The following CNTN5 variants were observed in gnomAD, a reference collection of about 807,000 sequenced individuals.
The protein encoded by CNTN5 is contactin 5, also known as contactin-5.
A neutral mutation model predicts 129.1 loss-of-function variants in CNTN5; 77 were observed. The ratio of observed to expected loss-of-function variants is 0.60; its 90% confidence interval spans 0.50 to 0.72. CNTN5 has a LOEUF of 0.72. CNTN5 is among the 30% of genes least tolerant of loss of function. The pLI is 0.00. For synonymous variants in CNTN5, 509 were observed against 465.6 expected (o/e 1.09, Z -1.20); for missense variants, 1,478 against 1,328.8 (o/e 1.11, Z -1.75).
At chr11:100,134,406 T>C (rs1048483142) in intron 13 of CNTN5, among the ~76,000 whole-genome samples, 1 of 152,142 alleles carries the variant, frequency 6.6e-6, no homozygotes, top group Admixed American at 6.6e-5. Flanking sequence ...TTTCTAAACC[T>C]CAGTGTCACA....
At chr11:99,439,386 G>T (rs570483607) in intron 2 of CNTN5, among the ~76,000 whole-genome samples, 1 of 151,942 alleles carries the variant, frequency 6.6e-6, no homozygotes, top group Admixed American at 6.6e-5. Context: ...AAATAAACTT[G>T]TACACAAATG....
chr11:100,344,475 A>G (rs951420224), intron 23 of CNTN5, among the ~76,000 whole-genome samples: 4 of 152,152 alleles, frequency 2.6e-5, no homozygotes, highest in Admixed American at 2.6e-4. Flanking sequence ...ACTGGTGGTT[A>G]TCAGAGGCCA....
intron 9 of CNTN5, among the ~76,000 whole-genome samples, chr11:100,041,799 G>A (rs17622456): frequency 0.11 from 16,026 of 152,206 alleles, 919 homozygotes; most frequent in East Asian, 0.18. Flanking sequence ...CACAGAGACT[G>A]TCAAGCTTCT....
At chr11:99,558,281 C>T in intron 3 of CNTN5, 1 of 429,328 alleles carries the variant, frequency 2.3e-6, no homozygotes, top group South Asian at 1.7e-5. Flanking sequence ...TCCTCTTGAA[C>T]TTATAAGCCA....
chr11:100,177,779 A>G (rs1394352429), intron 13 of CNTN5, among the ~76,000 whole-genome samples: 4 of 152,168 alleles, frequency 2.6e-5, no homozygotes, highest in Non-Finnish European at 5.9e-5. Flanking sequence ...GAATATATTC[A>G]TGCTCTTCTG....
At chr11:99,264,778 T>C (rs1008477023) in intron 1 of CNTN5, among the ~76,000 whole-genome samples, 11 of 152,156 alleles carry the variant, frequency 7.2e-5, no homozygotes, top group African/African-American at 2.7e-4. Flanking sequence ...TAGTATAAGA[T>C]ATTGTCCAAG....
chr11:100,022,410 A>G (rs1037192176), intron 9 of CNTN5, among the ~76,000 whole-genome samples: 3 of 152,128 alleles, frequency 2.0e-5, no homozygotes, highest in African/African-American at 7.2e-5. Flanking sequence ...TTCTTTGTAC[A>G]TTCTATTCTT....
At chr11:99,608,223 T>C (rs1950488242) in intron 3 of CNTN5, among the ~76,000 whole-genome samples, 1 of 152,194 alleles carries the variant, frequency 6.6e-6, no homozygotes, top group East Asian at 1.9e-4. Flanking sequence ...TAAATATGTG[T>C]TGTCCCATCT....
chr11:99,256,873 A>C (rs1011130225), intron 1 of CNTN5, among the ~76,000 whole-genome samples: 5 of 152,152 alleles, frequency 3.3e-5, no homozygotes, highest in African/African-American at 1.2e-4. Context: ...ACTCTCCTTC[A>C]AAATGTTTAG....
At position 99,785,518 on chromosome 11, in the gene CNTN5, T is replaced by C. The variant is rs116030834; in HGVS notation, c.56-34026T>C. ...GATATTGCCTAGGTTTTCATCCTTA[T>C]ACCAAAACCTAGCAGAGACCCAACA... On this transcript the variant is annotated intron_variant, in intron 3 of 24. Coordinates refer to ENST00000524871, the MANE Select transcript of CNTN5 (RefSeq NM_014361.4). Among the ~76,000 whole-genome samples the C allele has an allele frequency of 3.2e-3, 479 of 152,024 alleles. 2 individuals are homozygous for C. Among genetic ancestry groups the C allele is most frequent in the African/African-American group, 0.011 (444 of 41,518 alleles).
intron 3 of CNTN5, among the ~76,000 whole-genome samples, chr11:99,724,159 C>T (rs981457753): frequency 6.6e-6 from 1 of 152,112 alleles, no homozygotes; most frequent in Non-Finnish European, 1.5e-5. Context: ...CTCTTCAGTG[C>T]CTGGAGCATG....
At chr11:99,281,436 A>G (rs1258816901) in intron 1 of CNTN5, among the ~76,000 whole-genome samples, 1 of 152,006 alleles carries the variant, frequency 6.6e-6, no homozygotes, top group Non-Finnish European at 1.5e-5. Context: ...ATCAGCTAAG[A>G]GTGAGTGCTT....
intron 1 of CNTN5, among the ~76,000 whole-genome samples, chr11:99,065,355 G>A (rs1865058665): frequency 6.6e-6 from 1 of 152,100 alleles, no homozygotes; most frequent in African/African-American, 2.4e-5. Flanking sequence ...ATCATAGTCA[G>A]TTGTCCTAAA....
At chr11:99,839,627 A>G (rs1947415213) in intron 4 of CNTN5, among the ~76,000 whole-genome samples, 1 of 152,128 alleles carries the variant, frequency 6.6e-6, no homozygotes, top group Non-Finnish European at 1.5e-5. Context: ...TGATAATCAC[A>G]TTACTAAGAA....
rs149362368 is a variant in CNTN5 at position 99,588,343 on chromosome 11, CAAAAAAAAAAAAAA to C, written c.55+32085_55+32098del. Reference sequence around the variant, plus strand: ...TGGGCGACAGAGCAAGACTCCTTCTCAAAAAAAAAAAAAAAAAAAAAAAAGACCACCATATACAA... The same window carrying C: ...TGGGCGACAGAGCAAGACTCCTTCTCAAAAAAAAAAGACCACCATATACAA... On this transcript the variant is annotated intron_variant, in intron 3 of 24. Coordinates refer to ENST00000524871, the MANE Select transcript of CNTN5 (RefSeq NM_014361.4). 3.2e-5 allele frequency among the ~76,000 whole-genome samples: 3 copies of C among 93,040 alleles called. No homozygotes were observed. In the South Asian group the frequency reaches 1.3e-3, roughly 40 times the overall value. The allele number at this position is 93,040 out of a possible 152,430, so 61.0% of individuals were successfully genotyped here.
chr11:99,288,629 T>C (rs1591474513), intron 1 of CNTN5, among the ~76,000 whole-genome samples: 1 of 151,898 alleles, frequency 6.6e-6, no homozygotes, highest in Non-Finnish European at 1.5e-5. Flanking sequence ...TTTTGATTAG[T>C]GTAATGTCAT....
intron 21 of CNTN5, among the ~76,000 whole-genome samples, chr11:100,314,686 A>C (rs1951542669): frequency 6.6e-6 from 1 of 152,054 alleles, no homozygotes; most frequent in African/African-American, 2.4e-5. Context: ...TCATTTGGAG[A>C]GAAGACGGCA....
chr11:99,232,215 C>T (rs1475919714), intron 1 of CNTN5, among the ~76,000 whole-genome samples: 1 of 152,128 alleles, frequency 6.6e-6, no homozygotes, highest in Non-Finnish European at 1.5e-5. Flanking sequence ...ATGGGAATCG[C>T]ACTGAATCTA....
intron 3 of CNTN5, among the ~76,000 whole-genome samples, chr11:99,568,726 C>G (rs541031352): frequency 4.6e-5 from 7 of 152,202 alleles, no homozygotes; most frequent in South Asian, 4.2e-4. Context: ...ATATGTAAAA[C>G]GAACCATGTA....
Sources: gnomAD v4.1 joint callset for allele counts (sites outside exome capture counted in the v4.1 genomes callset) on GRCh38, gnomAD v4.1.1 for gene constraint, MANE v1.5 for transcripts, NCBI Gene and HGNC (gene_info 2026-07-23, HGNC 2026-07-21) for gene names.